Variants in CCSER1 observed in about 807,000 individuals in gnomAD.
The protein encoded by CCSER1 is serine-rich coiled-coil domain-containing protein 1.
Under a neutral mutation model 82.0 loss-of-function variants are expected in CCSER1, and 41 were observed. The ratio of observed to expected loss-of-function variants is 0.50; its 90% confidence interval spans 0.39 to 0.65. The LOEUF is 0.65. Among genes scored for constraint, CCSER1 ranks in the 30% least tolerant of loss-of-function variants. CCSER1 has a pLI of 0.00. For synonymous variants in CCSER1, 414 were observed against 383.9 expected (o/e 1.08, Z -0.92); for missense variants, 1,119 against 1,064.2 (o/e 1.05, Z -0.72).
chr4:91,132,574 T>C (rs1318762735), intron 10 of CCSER1, among the ~76,000 whole-genome samples: 1 of 152,222 alleles, frequency 6.6e-6, no homozygotes, highest in Non-Finnish European at 1.5e-5. Flanking sequence ...TCTCTGCTGG[T>C]TGCAATACAA....
intron 10 of CCSER1, among the ~76,000 whole-genome samples, chr4:91,115,806 CTTTTT>C (rs527629667): frequency 9.8e-6 from 1 of 101,560 alleles, no homozygotes; most frequent in African/African-American, 3.8e-5. Flanking sequence ...CTAGCTTTTT[CTTTTT>C]TTTTTTTTTT....
At chr4:90,735,680 TGG>T (rs1745517164) in intron 7 of CCSER1, among the ~76,000 whole-genome samples, 1 of 152,130 alleles carries the variant, frequency 6.6e-6, no homozygotes, top group Non-Finnish European at 1.5e-5. Context: ...CTGATTTTAT[TGG>T]TATGGGCTTT....
rs1731195270 is a variant in CCSER1 at position 90,938,252 on chromosome 4, A to G, written c.2172+14805A>G. ...TGTTTATTTAGTACTTTGGATGGTG[A>G]CTACGGGTTGCAAAAATACTAGGAC... On this transcript the variant is annotated intron_variant, in intron 9 of 10. Transcript: ENST00000509176. Among the ~76,000 whole-genome samples the G allele has an allele frequency of 2.0e-5, 3 of 152,086 alleles. No homozygotes were observed. In the South Asian group the frequency reaches 6.2e-4, roughly 32 times the overall value.
At chr4:91,165,433 T>A (rs1411356333) in intron 10 of CCSER1, among the ~76,000 whole-genome samples, 2 of 152,190 alleles carry the variant, frequency 1.3e-5, no homozygotes, top group Non-Finnish European at 2.9e-5. Context: ...GCTCAAACAC[T>A]GAGCTGGGTG....
intron 4 of CCSER1, among the ~76,000 whole-genome samples, chr4:90,411,306 G>T (rs1337457260): frequency 6.6e-6 from 1 of 152,090 alleles, no homozygotes; most frequent in Admixed American, 6.5e-5. Context: ...CCAAAGCCTG[G>T]CAGAGACACA....
intron 10 of CCSER1, among the ~76,000 whole-genome samples, chr4:91,372,691 C>A (rs6853070): frequency 1.3e-5 from 2 of 151,920 alleles, no homozygotes; most frequent in East Asian, 3.9e-4. Flanking sequence ...TTAAATTCAT[C>A]TAATTGGTGA....
In CCSER1 at chr4:91,068,843, C is replaced by T. The variant is rs763405799; in HGVS notation, c.2173-17107C>T. 6.6e-5 allele frequency among the ~76,000 whole-genome samples: 10 copies of T among 152,212 alleles called. No homozygotes were observed. In the South Asian group the frequency reaches 1.2e-3, roughly 19 times the overall value. ...ACTGATACACTTATTTAGTTGAAAT[C>T]GTTTAGGTAACAATGCTCAAATATT... On this transcript the variant is annotated intron_variant, in intron 9 of 10. Coordinates refer to ENST00000509176, the MANE Select transcript of CCSER1 (RefSeq NM_001145065.2).
intron 9 of CCSER1, among the ~76,000 whole-genome samples, chr4:90,965,522 C>T (rs1328531707): frequency 6.6e-6 from 1 of 152,136 alleles, no homozygotes; most frequent in African/African-American, 2.4e-5. Context: ...AGCCGGGAGA[C>T]TTATTGGCCA....
intron 3 of CCSER1, among the ~76,000 whole-genome samples, chr4:90,398,012 T>G (rs2153543005): frequency 6.6e-6 from 1 of 152,318 alleles, no homozygotes; most frequent in Admixed American, 6.5e-5. Flanking sequence ...CAGAAATTTG[T>G]TTTCTCACAG....
intron 1 of CCSER1, among the ~76,000 whole-genome samples, chr4:90,172,787 T>C (rs1486384937): frequency 6.6e-6 from 1 of 151,788 alleles, no homozygotes; most frequent in East Asian, 1.9e-4. Context: ...ACGTTTGAAA[T>C]AGTAAAATGA....
At chr4:91,468,242 T>G (rs2149440761) in intron 10 of CCSER1, among the ~76,000 whole-genome samples, 1 of 152,252 alleles carries the variant, frequency 6.6e-6, no homozygotes, top group South Asian at 2.1e-4. Context: ...CTTGGCAAAC[T>G]ATCGCAAGGA....
At chr4:90,981,595 G>A (rs943390858) in intron 9 of CCSER1, among the ~76,000 whole-genome samples, 2 of 151,816 alleles carry the variant, frequency 1.3e-5, no homozygotes, top group Non-Finnish European at 2.9e-5. Flanking sequence ...GAACTCCAAA[G>A]ACCTGGAGGA....
chr4:91,120,835 A>G (rs1439879844), intron 10 of CCSER1, among the ~76,000 whole-genome samples: 1 of 151,924 alleles, frequency 6.6e-6, no homozygotes, highest in East Asian at 1.9e-4. Context: ...AATGATATCC[A>G]GAAACTAACA....
chr4:91,089,801 A>G (rs544847094), intron 10 of CCSER1, among the ~76,000 whole-genome samples: 4 of 152,308 alleles, frequency 2.6e-5, no homozygotes, highest in South Asian at 4.1e-4. Flanking sequence ...TTGCATGGGT[A>G]CATGTGCCAG....
chr4:90,903,110 T>C (rs1239923472), intron 8 of CCSER1, among the ~76,000 whole-genome samples: 4 of 152,112 alleles, frequency 2.6e-5, no homozygotes, highest in African/African-American at 9.7e-5. Context: ...ATAAACAGTG[T>C]CTCAATAAAT....
rs1578400462 is a variant in CCSER1 at position 90,423,628 on chromosome 4, C to T, written c.1603+23499C>T. Among the ~76,000 whole-genome samples, 7 of 152,246 alleles carry T rather than the reference C, an allele frequency of 4.6e-5. No individual in the cohort carries two copies. In the East Asian group the frequency reaches 1.4e-3, roughly 30 times the overall value. ...TAGCTGGGATTACAGGCAAGAGCCA[C>T]TATGCCCGGCTAACTTGTTTGTATT... On this transcript the variant is annotated intron_variant, in intron 4 of 10. Transcript: ENST00000509176.
intron 9 of CCSER1, among the ~76,000 whole-genome samples, chr4:91,076,566 C>T (rs1033545624): frequency 6.6e-6 from 1 of 152,152 alleles, no homozygotes; most frequent in East Asian, 1.9e-4. Context: ...TTTATGCTTA[C>T]TAGATCTGGA....
intron 5 of CCSER1, among the ~76,000 whole-genome samples, chr4:90,590,623 T>C (rs1481861647): frequency 1.3e-5 from 2 of 152,106 alleles, no homozygotes; most frequent in Admixed American, 6.6e-5. Flanking sequence ...TGTGGTGTTA[T>C]TTCTGAGGCC....
At chr4:90,155,246 A>G (rs1190238287) in intron 1 of CCSER1, among the ~76,000 whole-genome samples, 7 of 152,118 alleles carry the variant, frequency 4.6e-5, no homozygotes, top group African/African-American at 1.7e-4. Flanking sequence ...ATCATGGTGG[A>G]TAAGCTTTTT....
Sources: allele counts gnomAD v4.1 joint callset (sites outside exome capture counted in the v4.1 genomes callset), GRCh38; gene constraint gnomAD v4.1.1; transcripts MANE v1.5; gene names NCBI Gene and HGNC (gene_info 2026-07-23, HGNC 2026-07-21).